EFCAB6: variants seen among roughly 807,000 people sequenced by gnomAD.
The protein encoded by EFCAB6 is EF-hand calcium-binding domain-containing protein 6.
A neutral mutation model predicts 169.8 loss-of-function variants in EFCAB6; 156 were observed. The ratio of observed to expected loss-of-function variants is 0.92; its 90% CI spans 0.81 to 1.05. EFCAB6 has a LOEUF of 1.05. EFCAB6 is among the 50% of genes least tolerant of loss of function. EFCAB6 has a pLI of 0.00. For missense variants in EFCAB6, 1,800 were observed against 1,829.1 expected (o/e 0.98, Z 0.29); for synonymous variants, 698 against 676.4 (o/e 1.03, Z -0.50).
At chr22:43,575,210 A>G (rs1022152833) in intron 26 of EFCAB6, among the ~76,000 whole-genome samples, 43 of 151,916 alleles carry the variant, frequency 2.8e-4, no homozygotes, top group African/African-American at 9.2e-4. Flanking sequence ...GTTTGTTTTG[A>G]GACAGAGTCT....
At position 43,716,937 on chromosome 22, in the gene EFCAB6, T is replaced by C; in HGVS notation, c.793A>G (p.Lys265Glu). The C allele has an allele frequency of 6.4e-7, 1 of 1,573,172 alleles. No individual in the cohort carries two copies. Residue 265 changes from lysine (K) to glutamate (E), a missense_variant, in exon 9 of 32, where the codon AAA (lysine) becomes GAA (glutamate). By Grantham distance (56) the Lys-to-Glu change is moderately conservative. Coordinates refer to ENST00000262726, the MANE Select transcript of EFCAB6 (RefSeq NM_022785.4). ...GCAGAACCTAGCAAACGTTCCTTTTTGGAATTTTTGGCTTGTTGATTCTCC... is the reference window on the plus strand; with the variant it reads ...GCAGAACCTAGCAAACGTTCCTTTTCGGAATTTTTGGCTTGTTGATTCTCC... ...SLENQQAKNS[K>E]KERLLGSASS...
chr22:43,538,508 C>T (rs2047516595), intron 28 of EFCAB6, among the ~76,000 whole-genome samples: 1 of 152,200 alleles, frequency 6.6e-6, no homozygotes, highest in Admixed American at 6.5e-5. Flanking sequence ...CCTGCCTCAG[C>T]CTCCCAAGTA....
At chr22:43,533,660 C>T (rs558932641) in intron 30 of EFCAB6, among the ~76,000 whole-genome samples, 31 of 152,366 alleles carry the variant, frequency 2.0e-4, no homozygotes, top group African/African-American at 7.0e-4. Context: ...GAGCCCCCAG[C>T]ACACAGGCTG....
rs763012069 is a variant in EFCAB6, at chr22:43,668,880, A to G, written c.1806T>C (p.Leu602=). Residue 602 remains leucine (L), a synonymous_variant, in exon 16 of 32, where the codon CTT becomes CTC. Coordinates refer to ENST00000262726, the MANE Select transcript of EFCAB6 (RefSeq NM_022785.4). ...ATTTTGCTTAATTTTACCTCTCAGA[A>G]AGATCTGGCTGCTGCTGTTCATCTT... ...LQKDEQQQPD[L]SERTKLTEDK... is the part of the protein sequence containing the mutation. 1 of 1,593,418 alleles carries G rather than the reference A, an allele frequency of 6.3e-7. No individual in the cohort carries two copies. Among genetic ancestry groups the G allele is most frequent in the Non-Finnish European group, 8.5e-7 (1 of 1,169,800 alleles).
In EFCAB6 at chr22:43,537,265, T is replaced by C. The variant is rs572549542; in HGVS notation, c.4048+112A>G. On this transcript the variant is annotated intron_variant, in intron 29 of 31. Coordinates refer to ENST00000262726, the MANE Select transcript of EFCAB6 (RefSeq NM_022785.4). This position sits in a 1 kb window ranked among gnomAD's most constrained non-coding sequence, Gnocchi z 4.3. Reference sequence around the variant, plus strand: ...CACCCAGAAGTTCCCACCAGTTTCCTGTTCTGCTGCTCCCTGGCCTCCACC... The same window carrying C: ...CACCCAGAAGTTCCCACCAGTTTCCCGTTCTGCTGCTCCCTGGCCTCCACC... The C allele has an allele frequency of 1.5e-6, 2 of 1,366,124 alleles. No individual in the cohort carries two copies. The highest frequency in any genetic ancestry group is 2.3e-5 in the East Asian group (1 of 43,184). The allele number at this position is 1,366,124 out of a possible 1,614,324, so 84.6% of individuals were successfully genotyped here.
intron 11 of EFCAB6, among the ~76,000 whole-genome samples, chr22:43,685,648 C>G (rs182640548): frequency 1.4e-3 from 219 of 152,280 alleles, no homozygotes; most frequent in African/African-American, 4.4e-3. Flanking sequence ...AGTGGTGACC[C>G]ATCGCGGATT....
intron 23 of EFCAB6, among the ~76,000 whole-genome samples, chr22:43,594,921 T>C (rs2051879306): frequency 1.3e-5 from 2 of 152,144 alleles, no homozygotes; most frequent in African/African-American, 4.8e-5. Flanking sequence ...GTCAACATCA[T>C]ATCAAGTATC....
intron 20 of EFCAB6, among the ~76,000 whole-genome samples, chr22:43,616,649 C>T (rs1337048001): frequency 6.6e-6 from 1 of 152,050 alleles, no homozygotes; most frequent in Non-Finnish European, 1.5e-5. Context: ...TGGGGGAGAG[C>T]ACGAGACTCC....
At chr22:43,793,155 T>C (rs2062370517) in intron 2 of EFCAB6, among the ~76,000 whole-genome samples, 1 of 152,096 alleles carries the variant, frequency 6.6e-6, no homozygotes, top group African/African-American at 2.4e-5. Context: ...AGTGATTCAA[T>C]TCAAGAAACA....
intron 21 of EFCAB6, 113 bp downstream of exon 21, chr22:43,615,713 A>G (rs1463599770): frequency 7.1e-6 from 6 of 840,958 alleles, no homozygotes; most frequent in Non-Finnish European, 1.1e-5. Context: ...CACTGGGTAC[A>G]CAGAGTTGTT....
intron 7 of EFCAB6, among the ~76,000 whole-genome samples, chr22:43,733,682 T>A (rs576045830): frequency 2.0e-5 from 3 of 152,284 alleles, no homozygotes; most frequent in Admixed American, 2.0e-4. Flanking sequence ...TGAGTCTTCA[T>A]CCCAGCCCTG....
intron 18 of EFCAB6, among the ~76,000 whole-genome samples, chr22:43,634,669 G>A (rs1203764111): frequency 2.6e-5 from 4 of 151,338 alleles, no homozygotes; most frequent in Admixed American, 6.6e-5. Flanking sequence ...AACATCCGGT[G>A]GGGGGCGGGC....
At chr22:43,782,368 T>C in intron 2 of EFCAB6, 43 bp from the exon 3 acceptor site, 1 of 1,583,512 alleles carries the variant, frequency 6.3e-7, no homozygotes, top group Non-Finnish European at 8.6e-7. Flanking sequence ...TTAAAGAGCA[T>C]ACATTCCAAA....
intron 20 of EFCAB6, among the ~76,000 whole-genome samples, chr22:43,625,156 A>G (rs2054409932): frequency 1.3e-5 from 2 of 152,068 alleles, no homozygotes; most frequent in African/African-American, 2.4e-5. Flanking sequence ...GTAAGATCAG[A>G]GGGCCTTCTG....
At chr22:43,580,733 T>G (rs937604459) in intron 24 of EFCAB6, 74 bp from the exon 25 acceptor site, 11 of 1,494,848 alleles carry the variant, frequency 7.4e-6, no homozygotes, top group Middle Eastern at 3.5e-4. Context: ...CAACAGTTGC[T>G]GAGCACATTG....
chr22:43,669,093 C>T (rs186566594), intron 15 of EFCAB6, 48 bp from the exon 16 acceptor site: 89 of 1,472,334 alleles, frequency 6.0e-5, no homozygotes, highest in African/African-American at 2.0e-4. Context: ...GTAATTAAAA[C>T]GGAAAAGACT....
chr22:43,639,653 G>A (rs1403050995), intron 17 of EFCAB6, among the ~76,000 whole-genome samples: 2 of 152,084 alleles, frequency 1.3e-5, no homozygotes, highest in Non-Finnish European at 2.9e-5. Flanking sequence ...GGGGTTTTCT[G>A]AGCTTCTGGA....
At chr22:43,584,944 C>A (rs1221724138) in intron 24 of EFCAB6, among the ~76,000 whole-genome samples, 1 of 152,122 alleles carries the variant, frequency 6.6e-6, no homozygotes, top group Non-Finnish European at 1.5e-5. Flanking sequence ...TAAATTGGAG[C>A]CTTTGCACCA....
intron 21 of EFCAB6, 45 bp downstream of exon 21, chr22:43,615,781 T>A: frequency 6.5e-7 from 1 of 1,537,404 alleles, no homozygotes. Flanking sequence ...CTTGAAACAT[T>A]GAAATAGATT....
Sources: gnomAD v4.1 joint callset for allele counts (sites outside exome capture counted in the v4.1 genomes callset) on GRCh38, gnomAD v4.1.1 for gene constraint, Gnocchi (gnomAD v3.1) non-coding constraint, MANE v1.5 for transcripts, NCBI Gene and HGNC (gene_info 2026-07-23, HGNC 2026-07-21) for gene names.